CTDSPL: variants seen among roughly 807,000 people sequenced by gnomAD.
The protein encoded by CTDSPL is CTD small phosphatase like, also known as CTD small phosphatase-like protein.
Under a neutral mutation model 30.5 loss-of-function variants are expected in CTDSPL, and 8 were observed. The observed-to-expected ratio is 0.26, with a 90% CI of 0.15 to 0.47. The LOEUF (loss-of-function observed/expected upper bound fraction) is 0.47. Among genes scored for constraint, CTDSPL ranks in the 20% least tolerant of loss-of-function variants. The probability of loss-of-function intolerance (pLI) is 0.99; values close to 1 mark genes in which losing one functional copy is unlikely to be tolerated. For missense variants in CTDSPL, 248 were observed against 366.1 expected, an observed-to-expected ratio of 0.68 and a Z score of 2.63; for synonymous variants, 110 against 137.9, an observed-to-expected ratio of 0.80 and a Z score of 1.42.
At chr3:37,976,023 C>A in intron 7 of CTDSPL, 129 bp downstream of exon 7, 1 of 999,806 alleles carries the variant, frequency 1.0e-6, no homozygotes, top group Non-Finnish European at 1.4e-6. Context: ...CCAGCTCTGC[C>A]ATTTAGCAGT....
chr3:37,914,825 T>C (rs564812891), intron 1 of CTDSPL, among the ~76,000 whole-genome samples: 2 of 151,972 alleles, frequency 1.3e-5, no homozygotes, highest in African/African-American at 4.8e-5. Flanking sequence ...GGGAAGTGTT[T>C]TTTGTTGTTG....
At chr3:37,903,102 A>C (rs1315894590) in intron 1 of CTDSPL, among the ~76,000 whole-genome samples, 1 of 152,206 alleles carries the variant, frequency 6.6e-6, no homozygotes. Context: ...AGCCAAGCAC[A>C]GGCCTTGGCC....
chr3:37,949,263 CA>C (rs769940943), intron 2 of CTDSPL, among the ~76,000 whole-genome samples: 9 of 152,150 alleles, frequency 5.9e-5, no homozygotes, highest in Admixed American at 1.3e-4. Context: ...GAAAATTTGG[CA>C]ATATCATCTT....
chr3:37,923,288 C>T (rs1021174794), intron 1 of CTDSPL, among the ~76,000 whole-genome samples: 1 of 152,152 alleles, frequency 6.6e-6, no homozygotes, highest in African/African-American at 2.4e-5. Flanking sequence ...CTTGGAGTGA[C>T]ATTGAAGTAG....
At chr3:37,964,755 A>C in intron 4 of CTDSPL, 83 bp downstream of exon 4, 1 of 1,086,098 alleles carries the variant, frequency 9.2e-7, no homozygotes, top group African/African-American at 1.6e-5. Flanking sequence ...AAAGGATGAA[A>C]GCTTATGGTG....
At chr3:37,872,281 A>G (rs928665949) in intron 1 of CTDSPL, among the ~76,000 whole-genome samples, 5 of 152,100 alleles carry the variant, frequency 3.3e-5, no homozygotes, top group Non-Finnish European at 7.4e-5. Context: ...TCTTTATCAG[A>G]TAAGTGTAGA....
intron 1 of CTDSPL, among the ~76,000 whole-genome samples, chr3:37,932,038 A>G (rs1575304839): frequency 6.6e-6 from 1 of 152,192 alleles, no homozygotes; most frequent in East Asian, 1.9e-4. Context: ...CAATAAATCT[A>G]CAGTAGCAAA....
chr3:37,963,444 T>G (rs1483371357), intron 3 of CTDSPL, among the ~76,000 whole-genome samples: 1 of 152,250 alleles, frequency 6.6e-6, no homozygotes, highest in Non-Finnish European at 1.5e-5. Context: ...AAATACAGCT[T>G]GATTTCATTT....
intron 1 of CTDSPL, among the ~76,000 whole-genome samples, chr3:37,866,683 G>A (rs1233248932): frequency 6.6e-6 from 1 of 152,202 alleles, no homozygotes; most frequent in Non-Finnish European, 1.5e-5. Context: ...TCCTTGATGA[G>A]ATTTCTGCAG....
intron 4 of CTDSPL, 38 bp from the exon 5 acceptor site, chr3:37,967,788 C>T (rs763464100): frequency 6.9e-7 from 1 of 1,451,614 alleles, no homozygotes; most frequent in African/African-American, 1.4e-5. Flanking sequence ...TTTTTTTGTT[C>T]CTTCAGACAT....
chr3:37,919,769 G>T (rs1698692306), intron 1 of CTDSPL, among the ~76,000 whole-genome samples: 1 of 152,160 alleles, frequency 6.6e-6, no homozygotes, highest in Admixed American at 6.5e-5. Context: ...TGTTCCTGGG[G>T]CCTCTCCTGG....
intron 1 of CTDSPL, among the ~76,000 whole-genome samples, chr3:37,884,628 G>C (rs1018942236): frequency 1.3e-4 from 20 of 152,168 alleles, no homozygotes; most frequent in African/African-American, 4.8e-4. Context: ...AGAGTTTGGA[G>C]CTGTAAGAAA....
intron 1 of CTDSPL, among the ~76,000 whole-genome samples, chr3:37,913,831 C>G (rs1314185102): frequency 6.6e-6 from 1 of 152,170 alleles, no homozygotes; most frequent in South Asian, 2.1e-4. Context: ...GCTCTTTTGC[C>G]AAAATGACAC....
intron 5 of CTDSPL, among the ~76,000 whole-genome samples, chr3:37,971,034 G>C (rs533869604): frequency 6.6e-6 from 1 of 152,172 alleles, no homozygotes; most frequent in African/African-American, 2.4e-5. Context: ...CGTGGCCCGT[G>C]CCCACACAGG....
intron 1 of CTDSPL, among the ~76,000 whole-genome samples, chr3:37,904,426 A>C (rs1389413549): frequency 6.6e-6 from 1 of 152,198 alleles, no homozygotes; most frequent in Non-Finnish European, 1.5e-5. Flanking sequence ...GAGATGAGAA[A>C]GAACTTCACA....
chr3:37,967,474 C>T (rs1034446387), intron 4 of CTDSPL, among the ~76,000 whole-genome samples: 14 of 152,218 alleles, frequency 9.2e-5, no homozygotes, highest in Non-Finnish European at 1.8e-4. Flanking sequence ...ATGCTCAGCT[C>T]CTCCCCCTGG....
intron 1 of CTDSPL, among the ~76,000 whole-genome samples, chr3:37,887,997 C>T (rs994160164): frequency 1.3e-5 from 2 of 152,148 alleles, no homozygotes; most frequent in East Asian, 1.9e-4. Flanking sequence ...GCTGCAACCA[C>T]GCAGATGAGC....
At position 37,980,620 on chromosome 3, in the gene CTDSPL, C is replaced by T. The variant is rs571877493; in HGVS notation, c.706-122C>T. ...GGAACAAACAAAATCATGATGATAA[C>T]GATGATGACACCAGTCGTCCTTACT... On this transcript the variant is annotated intron_variant, in intron 7 of 7. Coordinates refer to ENST00000273179, the MANE Select transcript of CTDSPL (RefSeq NM_001008392.2). The T allele has an allele frequency of 1.4e-4, 177 of 1,272,592 alleles. No homozygotes were observed. In the African/African-American group the frequency reaches 1.4e-3, roughly 10 times the overall value. The allele number at this position is 1,272,592 out of a possible 1,614,324, so 78.8% of individuals were successfully genotyped here. A position where few individuals can be genotyped will look rare whatever the true frequency, so the allele number is the denominator to read the frequency against.
At chr3:37,973,833 C>A (rs1482046956) in intron 6 of CTDSPL, among the ~76,000 whole-genome samples, 2 of 152,250 alleles carry the variant, frequency 1.3e-5, no homozygotes, top group East Asian at 1.9e-4. Context: ...AGCTTACATT[C>A]TTCACATTCA....
Sources: gnomAD v4.1 joint callset for allele counts (sites outside exome capture counted in the v4.1 genomes callset) on GRCh38, gnomAD v4.1.1 for gene constraint, MANE v1.5 for transcripts, NCBI Gene and HGNC (gene_info 2026-07-23, HGNC 2026-07-21) for gene names.